Variants in SOX5 observed in about 807,000 individuals in gnomAD.
SOX5 encodes transcription factor SOX-5.
SOX5 carries 9 observed loss-of-function variants against 92.0 expected under a neutral mutation model. That is an observed-to-expected ratio of 0.10 (90% CI 0.06 to 0.17). The LOEUF (loss-of-function observed/expected upper bound fraction) is 0.17. Among genes scored for constraint, SOX5 ranks in the 10% least tolerant of loss-of-function variants. The pLI is 1.00. For missense variants in SOX5, 642 were observed against 944.5 expected (o/e 0.68, Z 4.20); for synonymous variants, 344 against 336.3 (o/e 1.02, Z -0.25).
chr12:23,631,900 AG>A lies in SOX5; in HGVS notation c.1017+8911del, dbSNP rs551775584. On this transcript the variant is annotated intron_variant, in intron 8 of 14. Coordinates refer to ENST00000451604, the MANE Select transcript of SOX5 (RefSeq NM_006940.6). ...CATTGTCCAAATGTCAACACCTCCC[AG>A]GAACTCTAGGGGTGGTAATAACTAT... is the stretch of plus-strand genomic sequence containing the variant. 6.1e-4 allele frequency among the ~76,000 whole-genome samples: 93 copies of A among 152,212 alleles called. 1 individual carries two copies. Among genetic ancestry groups the A allele is most frequent in the African/African-American group, 2.2e-3 (91 of 41,546 alleles).
intron 4 of SOX5, among the ~76,000 whole-genome samples, chr12:24,065,384 C>T (rs1940497392): frequency 1.3e-5 from 2 of 152,126 alleles, no homozygotes; most frequent in South Asian, 4.1e-4. Flanking sequence ...TGTGGTGGCT[C>T]ATGCCATTAA....
intron 1 of SOX5, among the ~76,000 whole-genome samples, chr12:24,486,325 TGA>T (rs1946525554): frequency 6.6e-6 from 1 of 152,170 alleles, no homozygotes; most frequent in South Asian, 2.1e-4. Context: ...ACCCGAAGTG[TGA>T]GTTTCTTCTC....
At chr12:24,479,877 G>A (rs1421659748) in intron 1 of SOX5, among the ~76,000 whole-genome samples, 1 of 152,110 alleles carries the variant, frequency 6.6e-6, no homozygotes, top group African/African-American at 2.4e-5. Context: ...TGTTGGCCAG[G>A]CTGGTCTCGA....
intron 4 of SOX5, among the ~76,000 whole-genome samples, chr12:24,152,847 G>GAA (rs56797704): frequency 4.0e-5 from 6 of 150,500 alleles, no homozygotes; most frequent in South Asian, 2.1e-4. Context: ...ACTGGCACAG[G>GAA]AAAAAAAAAA....
rs142765284 is a variant in SOX5 at position 23,848,005 on chromosome 12, G to A, written c.271-1812C>T. The stretch of plus-strand genomic sequence containing the variant: ...AATTAATAGGAATGTTTTTATGAAT[G>A]GTCCATAACACACATTAGCTTAGTT... On this transcript the variant is annotated intron_variant, in intron 2 of 14. Coordinates refer to ENST00000451604, the MANE Select transcript of SOX5 (RefSeq NM_006940.6). Among the ~76,000 whole-genome samples the A allele has an allele frequency of 1.7e-4, 26 of 152,156 alleles. No homozygotes were observed. In the East Asian group the frequency reaches 4.8e-3, roughly 28 times the overall value.
In SOX5 at chr12:23,718,840, A is replaced by G. The variant is rs1024321588; in HGVS notation, c.810+15844T>C. On this transcript the variant is annotated intron_variant, in intron 6 of 14. Coordinates refer to ENST00000451604, the MANE Select transcript of SOX5 (RefSeq NM_006940.6). ...CATGGAGGAGACGGGCAATAGGAGA[A>G]CATCAATTCCAAACGGTTCTCAATA... 2.0e-5 allele frequency among the ~76,000 whole-genome samples: 3 copies of G among 152,230 alleles called. No individual in the cohort carries two copies. The East Asian group carries it at 5.8e-4, about 29-fold the overall frequency.
intron 4 of SOX5, among the ~76,000 whole-genome samples, chr12:23,964,394 A>G (rs1947306650): frequency 6.6e-6 from 1 of 152,094 alleles, no homozygotes; most frequent in African/African-American, 2.4e-5. Context: ...TTACTTTGCA[A>G]CCATTCCTGG....
In SOX5 at chr12:23,949,597, A is replaced by G; in HGVS notation, c.5T>C (p.Leu2Pro). Residue 2 changes from leucine to proline, a missense_variant, in exon 1 of 15, where the codon CTT becomes CCT. Around this residue, in one of 8 missense-constraint regions of SOX5, gnomAD observed 113 missense variants for 117.7 expected, o/e 0.96. Coordinates refer to ENST00000451604, the MANE Select transcript of SOX5 (RefSeq NM_006940.6). ...CTCCTGAGGTAAATCAGGGTCAGTA[A>G]GCATGCTGGAAAAGCACAATTTCCC... M[L>P]TDPDLPQEFE... 1 of 1,613,818 alleles carries G rather than the reference A, an allele frequency of 6.2e-7. No homozygotes were observed. The highest frequency in any genetic ancestry group is 2.2e-5 in the East Asian group (1 of 44,870).
At chr12:24,437,972 C>A (rs1356345683) in intron 1 of SOX5, among the ~76,000 whole-genome samples, 1 of 152,200 alleles carries the variant, frequency 6.6e-6, no homozygotes, top group Non-Finnish European at 1.5e-5. Context: ...ACTATAAAGA[C>A]ACATGCACAC....
intron 3 of SOX5, among the ~76,000 whole-genome samples, chr12:23,776,483 C>T (rs1296787120): frequency 1.3e-5 from 2 of 152,090 alleles, no homozygotes; most frequent in Admixed American, 6.6e-5. Flanking sequence ...TGAAAGGGAC[C>T]TTAGAAGTCA....
At chr12:24,492,559 T>C (rs557163826) in intron 1 of SOX5, among the ~76,000 whole-genome samples, 18 of 152,244 alleles carry the variant, frequency 1.2e-4, no homozygotes, top group Admixed American at 2.0e-4. Context: ...TTCACTAAAG[T>C]TGCTTTGAAA....
chr12:23,645,891 T>C (rs2080777594), intron 7 of SOX5, among the ~76,000 whole-genome samples: 2 of 152,190 alleles, frequency 1.3e-5, no homozygotes, highest in Admixed American at 6.5e-5. Flanking sequence ...ATAAAGCAAG[T>C]AGCACAATAA....
intron 1 of SOX5, among the ~76,000 whole-genome samples, chr12:24,421,260 T>C (rs1327006072): frequency 1.3e-5 from 2 of 152,186 alleles, no homozygotes; most frequent in Admixed American, 6.6e-5. Flanking sequence ...AGACTGTTTA[T>C]CTTATAATGA....
chr12:23,744,574 G>C (rs1283006484), intron 4 of SOX5, among the ~76,000 whole-genome samples: 1 of 151,870 alleles, frequency 6.6e-6, no homozygotes, highest in Non-Finnish European at 1.5e-5. Context: ...CTCAAAATAG[G>C]TTTGTTTTTC....
At chr12:23,758,453 C>T (rs1241184580) in intron 3 of SOX5, among the ~76,000 whole-genome samples, 1 of 150,810 alleles carries the variant, frequency 6.6e-6, no homozygotes, top group Non-Finnish European at 1.5e-5. Flanking sequence ...ATAATAGCTA[C>T]TATTTAGAGG....
At chr12:24,188,563 C>G (rs1217172186) in intron 4 of SOX5, among the ~76,000 whole-genome samples, 1 of 151,574 alleles carries the variant, frequency 6.6e-6, no homozygotes, top group African/African-American at 2.4e-5. Flanking sequence ...AATAGTAAGT[C>G]AACATAAAAA....
chr12:23,841,746 T>C (rs1476718893), intron 3 of SOX5, among the ~76,000 whole-genome samples: 1 of 152,068 alleles, frequency 6.6e-6, no homozygotes, highest in Non-Finnish European at 1.5e-5. Flanking sequence ...AAGGGAAAAC[T>C]ATACATGGTA....
At chr12:23,761,137 C>T (rs1594148885) in intron 3 of SOX5, among the ~76,000 whole-genome samples, 1 of 152,090 alleles carries the variant, frequency 6.6e-6, no homozygotes. Flanking sequence ...ATATCTCCTT[C>T]AAAGTAAGAA....
At chr12:23,658,594 C>CA (rs1270834149) in intron 7 of SOX5, among the ~76,000 whole-genome samples, 8 of 152,108 alleles carry the variant, frequency 5.3e-5, no homozygotes, top group Non-Finnish European at 8.8e-5. Context: ...AATTCTAACA[C>CA]AAAAAATACA....
Sources: gnomAD v4.1 joint callset for allele counts (sites outside exome capture counted in the v4.1 genomes callset) on GRCh38, gnomAD v4.1.1 for gene constraint, gnomAD v4.1.1 regional missense constraint, MANE v1.5 for transcripts, NCBI Gene and HGNC (gene_info 2026-07-23, HGNC 2026-07-21) for gene names.